SDK1: variants seen among roughly 807,000 people sequenced by gnomAD.
SDK1 encodes sidekick cell adhesion molecule 1.
In SDK1, 157 loss-of-function variants were observed where a neutral mutation model predicts 245.5. That is an observed-to-expected ratio of 0.64 (90% confidence interval 0.56 to 0.73). SDK1 has a LOEUF of 0.73. SDK1 is among the 30% of genes least tolerant of loss of function. The probability of loss-of-function intolerance (pLI) is 0.00; values close to 1 mark genes in which losing one functional copy is unlikely to be tolerated. For synonymous variants in SDK1, 1,647 were observed against 1,278.5 expected (o/e 1.29, Z -6.15); for missense variants, 3,583 against 3,002.3 (o/e 1.19, Z -4.52).
In SDK1 at chr7:3,387,932, A is replaced by G. The variant is rs974803256; in HGVS notation, c.298+86048A>G. On this transcript the variant is annotated intron_variant, in intron 1 of 44. Coordinates refer to ENST00000404826, the MANE Select transcript of SDK1 (RefSeq NM_152744.4). ...ACATGAGAAAAATGTGCTACATAGAAGTTACATAATTTGCTATTAAGTGAG... is the reference window on the plus strand; with the variant it reads ...ACATGAGAAAAATGTGCTACATAGAGGTTACATAATTTGCTATTAAGTGAG... Among the ~76,000 whole-genome samples the G allele has an allele frequency of 5.0e-4, 76 of 152,222 alleles. 1 individual carries two copies. Among genetic ancestry groups the G allele is most frequent in the African/African-American group, 1.8e-3 (75 of 41,456 alleles).
chr7:3,892,231 C>T (rs1781478075), intron 5 of SDK1, among the ~76,000 whole-genome samples: 3 of 152,198 alleles, frequency 2.0e-5, no homozygotes, highest in African/African-American at 7.2e-5. Flanking sequence ...CAGTAACTAG[C>T]AATTCTCAAA....
chr7:4,012,243 C>A lies in SDK1; in HGVS notation c.2420+8C>A. On this transcript the variant is annotated splice_region_variant and intron_variant, in intron 16 of 44. Coordinates refer to ENST00000404826, the MANE Select transcript of SDK1 (RefSeq NM_152744.4). ...GCGTGGATACATCCTCAGGCAAGTG[C>A]CCTGTGATTGGCCATCTTTAGGCCG... The A allele has an allele frequency of 6.7e-7, 1 of 1,483,020 alleles. No homozygotes were observed. Among genetic ancestry groups the A allele is most frequent in the Admixed American group, 2.5e-5 (1 of 39,900 alleles). The allele number at this position is 1,483,020 out of a possible 1,614,324, so 91.9% of individuals were successfully genotyped here.
intron 5 of SDK1, among the ~76,000 whole-genome samples, chr7:3,864,741 A>G (rs985329585): frequency 6.6e-6 from 1 of 152,044 alleles, no homozygotes; most frequent in African/African-American, 2.4e-5. Flanking sequence ...CCCAGGGAAT[A>G]CACCCTGTTT....
chr7:3,491,981 A>G (rs1781876273), intron 1 of SDK1, among the ~76,000 whole-genome samples: 1 of 152,202 alleles, frequency 6.6e-6, no homozygotes, highest in Non-Finnish European at 1.5e-5. Flanking sequence ...AAAATCGTCT[A>G]TCCATATGGA....
At chr7:3,843,958 A>C (rs1467466635) in intron 5 of SDK1, among the ~76,000 whole-genome samples, 3 of 152,206 alleles carry the variant, frequency 2.0e-5, no homozygotes, top group African/African-American at 7.2e-5. Flanking sequence ...ATCCTACTAC[A>C]ACTTTGCAGA....
intron 16 of SDK1, 111 bp from the exon 17 acceptor site, chr7:4,017,060 C>T (rs1562674813): frequency 3.8e-6 from 4 of 1,049,226 alleles, no homozygotes. Context: ...CTCAGCTCTG[C>T]TCTTGATTAT....
At chr7:3,777,695 C>A (rs951594017) in intron 4 of SDK1, among the ~76,000 whole-genome samples, 1 of 152,182 alleles carries the variant, frequency 6.6e-6, no homozygotes, top group African/African-American at 2.4e-5. Flanking sequence ...CTTAAAACTT[C>A]CCATGCCACA....
chr7:4,139,982 TATTC>T (rs1393373867), intron 28 of SDK1, among the ~76,000 whole-genome samples: 1 of 152,108 alleles, frequency 6.6e-6, no homozygotes, highest in Non-Finnish European at 1.5e-5. Context: ...CCCATGAGCC[TATTC>T]ATTGTGCACC....
In SDK1 at chr7:4,121,160, C is replaced by T. The variant is rs141494673; in HGVS notation, c.3824-6221C>T. On this transcript the variant is annotated intron_variant, in intron 25 of 44. Coordinates refer to ENST00000404826, the MANE Select transcript of SDK1 (RefSeq NM_152744.4). ...AGAACCCTGAGGAGACTTTCTCTAG[C>T]GATGTTGTTTATTTTTGTAGATGCT... is the stretch of plus-strand genomic sequence containing the variant. Among the ~76,000 whole-genome samples the T allele has an allele frequency of 5.2e-3, 786 of 151,736 alleles. 7 individuals carry two copies. The highest frequency in any genetic ancestry group is 0.017 in the African/African-American group (691 of 41,366).
intron 1 of SDK1, among the ~76,000 whole-genome samples, chr7:3,500,877 A>G (rs978659360): frequency 6.6e-6 from 1 of 150,862 alleles, no homozygotes; most frequent in African/African-American, 2.4e-5. Flanking sequence ...TCCAACTGAT[A>G]TTATTTTCTT....
intron 1 of SDK1, among the ~76,000 whole-genome samples, chr7:3,361,579 C>T (rs765432032): frequency 9.2e-5 from 14 of 152,152 alleles, no homozygotes; most frequent in Non-Finnish European, 2.9e-5. Flanking sequence ...TACCCTCCCT[C>T]GTTGGTTTAT....
intron 1 of SDK1, among the ~76,000 whole-genome samples, chr7:3,340,203 G>A (rs1780309474): frequency 6.6e-6 from 1 of 151,964 alleles, no homozygotes; most frequent in Non-Finnish European, 1.5e-5. Flanking sequence ...GCATACCTCA[G>A]AGATGTGGCG....
intron 28 of SDK1, among the ~76,000 whole-genome samples, chr7:4,144,029 G>A (rs780447838): frequency 7.9e-5 from 12 of 152,118 alleles, no homozygotes; most frequent in African/African-American, 1.4e-4. Flanking sequence ...GTGTGTGCAC[G>A]GCTGACTCCC....
At chr7:3,426,396 C>T (rs1779677434) in intron 1 of SDK1, among the ~76,000 whole-genome samples, 1 of 152,172 alleles carries the variant, frequency 6.6e-6, no homozygotes, top group African/African-American at 2.4e-5. Context: ...ACAGGCTGGC[C>T]TTGTTCTAGC....
chr7:4,087,453 A>G (rs575535343), intron 22 of SDK1, among the ~76,000 whole-genome samples: 3 of 146,896 alleles, frequency 2.0e-5, no homozygotes, highest in African/African-American at 8.0e-5. Context: ...CCCATAACCA[A>G]TGTGTGTGCA....
At chr7:4,035,038 GCA>G (rs1426405817) in intron 17 of SDK1, among the ~76,000 whole-genome samples, 1 of 152,174 alleles carries the variant, frequency 6.6e-6, no homozygotes, top group African/African-American at 2.4e-5. Context: ...GAGTGCAGTG[GCA>G]CAGTCTTGGC....
chr7:4,219,043 C>A (rs1232402581), intron 38 of SDK1, among the ~76,000 whole-genome samples: 2 of 152,196 alleles, frequency 1.3e-5, no homozygotes, highest in East Asian at 3.8e-4. Flanking sequence ...ATCCAACCAG[C>A]AAGACTTTTG....
At chr7:4,077,718 A>C (rs1204795820) in intron 21 of SDK1, among the ~76,000 whole-genome samples, 1 of 152,182 alleles carries the variant, frequency 6.6e-6, no homozygotes, top group Non-Finnish European at 1.5e-5. Context: ...TCCCGTTTTT[A>C]AAACCCATAG....
chr7:3,496,830 C>T (rs1782040970), intron 1 of SDK1, among the ~76,000 whole-genome samples: 1 of 152,116 alleles, frequency 6.6e-6, no homozygotes, highest in Non-Finnish European at 1.5e-5. Context: ...CTAATTTCTC[C>T]TGCAGGCTAG....
Sources: gnomAD v4.1 joint callset for allele counts (sites outside exome capture counted in the v4.1 genomes callset) on GRCh38, gnomAD v4.1.1 for gene constraint, MANE v1.5 for transcripts, NCBI Gene and HGNC (gene_info 2026-07-23, HGNC 2026-07-21) for gene names.